The following MAPK8 variants were observed in gnomAD, a reference collection of about 807,000 sequenced individuals.
MAPK8 encodes the protein JUN N-terminal kinase.
A neutral mutation model predicts 52.9 loss-of-function variants in MAPK8; 13 were observed. The ratio of observed to expected loss-of-function variants is 0.25; its 90% CI spans 0.16 to 0.39. The LOEUF is 0.39. Ranked by LOEUF, MAPK8 falls within the 10% of genes least tolerant of loss-of-function variation. The probability of loss-of-function intolerance (pLI) is 1.00; values close to 1 mark genes in which losing one functional copy is unlikely to be tolerated. For missense variants in MAPK8, 300 were observed against 519.2 expected (o/e 0.58, Z 4.10); for synonymous variants, 191 against 169.8 (o/e 1.12, Z -0.97).
chr10:48,394,331 G>A (rs554983015), intron 1 of MAPK8, among the ~76,000 whole-genome samples: 2 of 151,936 alleles, frequency 1.3e-5, no homozygotes, highest in African/African-American at 4.8e-5. Context: ...TTATAAAATA[G>A]ATGGAAAAAT....
chr10:48,362,662 A>G (rs183185340), intron 1 of MAPK8, among the ~76,000 whole-genome samples: 12 of 151,960 alleles, frequency 7.9e-5, no homozygotes, highest in Admixed American at 5.2e-4. Flanking sequence ...AACAAGAAAA[A>G]TGTGCCTCCA....
At chr10:48,365,601 T>G (rs1305326353) in intron 1 of MAPK8, among the ~76,000 whole-genome samples, 1 of 152,172 alleles carries the variant, frequency 6.6e-6, no homozygotes, top group Non-Finnish European at 1.5e-5. Context: ...TAACTCTTGG[T>G]AACCAAAATA....
intron 10 of MAPK8, among the ~76,000 whole-genome samples, chr10:48,427,714 G>C (rs992442274): frequency 6.6e-6 from 1 of 152,088 alleles, no homozygotes; most frequent in African/African-American, 2.4e-5. Context: ...GGATGGTCTC[G>C]ATCTCCTGAC....
intron 1 of MAPK8, among the ~76,000 whole-genome samples, chr10:48,365,852 A>G (rs1160844767): frequency 1.3e-5 from 2 of 152,174 alleles, no homozygotes; most frequent in African/African-American, 2.4e-5. Context: ...TTGGATTACA[A>G]TTATCTCTTG....
At chr10:48,356,136 A>G (rs1846910759) in intron 1 of MAPK8, among the ~76,000 whole-genome samples, 1 of 152,380 alleles carries the variant, frequency 6.6e-6, no homozygotes, top group South Asian at 2.1e-4. Flanking sequence ...AGAGTAATAA[A>G]TATCTTAGTA....
At chr10:48,322,388 T>C (rs965005105) in intron 1 of MAPK8, among the ~76,000 whole-genome samples, 3 of 152,098 alleles carry the variant, frequency 2.0e-5, no homozygotes, top group Admixed American at 2.0e-4. Context: ...TAAGGAAAAT[T>C]ATATAGATAA....
intron 1 of MAPK8, among the ~76,000 whole-genome samples, chr10:48,329,882 GA>G (rs1368562262): frequency 1.3e-5 from 2 of 152,074 alleles, no homozygotes; most frequent in Non-Finnish European, 2.9e-5. Context: ...TACTCTTTTT[GA>G]AAATAATATT....
intron 5 of MAPK8, among the ~76,000 whole-genome samples, chr10:48,414,416 A>AT (rs1302259820): frequency 1.4e-5 from 2 of 147,154 alleles, no homozygotes; most frequent in African/African-American, 5.0e-5. Flanking sequence ...TTTTAGTTAA[A>AT]TCTAGCTTAT....
intron 1 of MAPK8, among the ~76,000 whole-genome samples, chr10:48,358,350 A>T (rs1847179971): frequency 6.6e-6 from 1 of 152,228 alleles, no homozygotes; most frequent in African/African-American, 2.4e-5. Context: ...TGATTATATT[A>T]GTAGTCATCA....
chr10:48,323,982 A>G (rs1843232972), intron 1 of MAPK8, among the ~76,000 whole-genome samples: 1 of 152,198 alleles, frequency 6.6e-6, no homozygotes, highest in African/African-American at 2.4e-5. Context: ...CATTTTGGTC[A>G]CCGTCCTCAC....
chr10:48,366,565 A>G (rs1848062691), intron 1 of MAPK8, among the ~76,000 whole-genome samples: 1 of 152,216 alleles, frequency 6.6e-6, no homozygotes, highest in South Asian at 2.1e-4. Context: ...GCTAGAGTAC[A>G]GTTAATAGTG....
intron 1 of MAPK8, among the ~76,000 whole-genome samples, chr10:48,376,075 A>T (rs1177871421): frequency 6.6e-6 from 1 of 152,182 alleles, no homozygotes; most frequent in African/African-American, 2.4e-5. Flanking sequence ...CAGCCTCAGA[A>T]ATAACACCAC....
At chr10:48,426,942 A>T in intron 9 of MAPK8, 138 bp from the exon 10 acceptor site, 3 of 618,794 alleles carry the variant, frequency 4.8e-6, no homozygotes, top group Non-Finnish European at 8.7e-6. Context: ...ATGTCTGTAT[A>T]AGTAAGTTGA....
chr10:48,372,497 T>C (rs549848907), intron 1 of MAPK8, among the ~76,000 whole-genome samples: 1 of 152,200 alleles, frequency 6.6e-6, no homozygotes, highest in Admixed American at 6.5e-5. Context: ...GACAAATTGC[T>C]AACTAGAATA....
intron 1 of MAPK8, among the ~76,000 whole-genome samples, chr10:48,386,300 G>C (rs1477181839): frequency 2.0e-5 from 3 of 152,024 alleles, no homozygotes; most frequent in Non-Finnish European, 4.4e-5. Flanking sequence ...CTGTACAAAG[G>C]TGCCTTTAAA....
chr10:48,418,579 C>T (rs996637842), intron 5 of MAPK8, among the ~76,000 whole-genome samples: 5 of 152,148 alleles, frequency 3.3e-5, no homozygotes, highest in Non-Finnish European at 7.3e-5. Context: ...ACTCACATCC[C>T]ATGAACTAGA....
intron 1 of MAPK8, among the ~76,000 whole-genome samples, chr10:48,369,687 G>C (rs368662416): frequency 1.3e-5 from 2 of 152,108 alleles, no homozygotes; most frequent in Non-Finnish European, 2.9e-5. Context: ...GCTAGCAGAG[G>C]GGGGAAAATG....
At position 48,307,433 on chromosome 10, in the gene MAPK8, G is replaced by A. The variant is rs573575471; in HGVS notation, c.-50+612G>A. Among the ~76,000 whole-genome samples the A allele has an allele frequency of 1.3e-4, 20 of 152,310 alleles. No individual in the cohort carries two copies. The East Asian group carries it at 3.9e-3, about 29-fold the overall frequency. Reference sequence around the variant, plus strand: ...CAGGCCCGTGGCTCGGGTGGGAGGTGTCCATCCAGCTTGGCCCGAGCTTCG... The same window carrying A: ...CAGGCCCGTGGCTCGGGTGGGAGGTATCCATCCAGCTTGGCCCGAGCTTCG... On this transcript the variant is annotated intron_variant, in intron 1 of 11. Coordinates refer to ENST00000374189, the MANE Select transcript of MAPK8 (RefSeq NM_001323329.2).
intron 1 of MAPK8, among the ~76,000 whole-genome samples, chr10:48,337,697 A>G (rs900715951): frequency 6.6e-6 from 1 of 152,178 alleles, no homozygotes; most frequent in African/African-American, 2.4e-5. Context: ...AACAAAATTG[A>G]TAGACTGCCA....
Sources: gnomAD v4.1 joint callset for allele counts (sites outside exome capture counted in the v4.1 genomes callset) on GRCh38, gnomAD v4.1.1 for gene constraint, MANE v1.5 for transcripts, NCBI Gene and HGNC (gene_info 2026-07-23, HGNC 2026-07-21) for gene names.